CSMD1: variants seen among roughly 807,000 people sequenced by gnomAD.
CSMD1 encodes CUB and Sushi multiple domains 1, also known as CUB and sushi domain-containing protein 1.
CSMD1 carries 213 observed loss-of-function variants against 417.5 expected under a neutral mutation model. The observed-to-expected ratio is 0.51, with a 90% confidence interval of 0.46 to 0.57. CSMD1 has a LOEUF of 0.57. CSMD1 is among the 20% of genes least tolerant of loss of function. The pLI is 0.00. For synonymous variants in CSMD1, 2,862 were observed against 1,736.8 expected, an observed-to-expected ratio of 1.65 and a Z score of -16.11; for missense variants, 6,923 against 4,529.7, an observed-to-expected ratio of 1.53 and a Z score of -15.17.
chr8:3,318,391 T>C (rs112033482), intron 23 of CSMD1, among the ~76,000 whole-genome samples: 1,659 of 152,284 alleles, frequency 0.011, 38 homozygotes, highest in African/African-American at 0.037. Flanking sequence ...ACTTAGCATA[T>C]GAAGTGCCTG....
At chr8:3,419,995 C>A (rs941509253) in intron 12 of CSMD1, among the ~76,000 whole-genome samples, 3 of 152,068 alleles carry the variant, frequency 2.0e-5, no homozygotes. Context: ...GTTCGCATCT[C>A]CTTAAAGATC....
intron 3 of CSMD1, among the ~76,000 whole-genome samples, chr8:4,419,050 C>A (rs1036312702): frequency 4.6e-5 from 7 of 152,196 alleles, no homozygotes; most frequent in African/African-American, 1.7e-4. Flanking sequence ...TAACTTCCCA[C>A]AAAATACGAT....
chr8:3,576,826 A>T (rs954751011), intron 9 of CSMD1, among the ~76,000 whole-genome samples: 2 of 152,228 alleles, frequency 1.3e-5, no homozygotes, highest in African/African-American at 4.8e-5. Context: ...TATTAGCATT[A>T]TCCAACTAGA....
chr8:4,908,043 A>G (rs1268201391), intron 1 of CSMD1, among the ~76,000 whole-genome samples: 4 of 152,190 alleles, frequency 2.6e-5, no homozygotes, highest in Admixed American at 2.6e-4. Context: ...TGTGGAATGT[A>G]CAATAGTTTT....
chr8:3,129,496 C>T (rs144101409), intron 41 of CSMD1, among the ~76,000 whole-genome samples: 265 of 152,258 alleles, frequency 1.7e-3, no homozygotes, highest in Middle Eastern at 6.8e-3. Context: ...GGAGCTGGGC[C>T]GGGTTCAGTG....
At chr8:3,040,926 C>T (rs1276681948) in intron 50 of CSMD1, among the ~76,000 whole-genome samples, 1 of 152,202 alleles carries the variant, frequency 6.6e-6, no homozygotes, top group Non-Finnish European at 1.5e-5. Context: ...TTTGCAGCAT[C>T]ATGAACATTT....
chr8:3,959,480 C>T (rs1049306984), intron 5 of CSMD1, among the ~76,000 whole-genome samples: 1 of 152,290 alleles, frequency 6.6e-6, no homozygotes, highest in East Asian at 1.9e-4. Context: ...GACTGGATGA[C>T]TGAGCGAGAC....
chr8:4,539,795 T>C (rs1397769178), intron 2 of CSMD1, among the ~76,000 whole-genome samples: 1 of 152,214 alleles, frequency 6.6e-6, no homozygotes, highest in Non-Finnish European at 1.5e-5. Context: ...TTTAATCTGG[T>C]TTATTTTCCA....
chr8:4,079,940 G>C (rs1273657368), intron 3 of CSMD1, among the ~76,000 whole-genome samples: 1 of 150,066 alleles, frequency 6.7e-6, no homozygotes, highest in Non-Finnish European at 1.5e-5. Flanking sequence ...GTCTTCTCAT[G>C]GAGTTGTAAA....
intron 2 of CSMD1, among the ~76,000 whole-genome samples, chr8:4,527,831 T>A (rs529731615): frequency 4.6e-5 from 7 of 152,228 alleles, no homozygotes; most frequent in African/African-American, 7.2e-5. Flanking sequence ...AGATTAAGTT[T>A]TCAGCCTGTG....
intron 7 of CSMD1, among the ~76,000 whole-genome samples, chr8:3,695,929 G>T (rs529596275): frequency 6.6e-6 from 1 of 152,122 alleles, no homozygotes; most frequent in South Asian, 2.1e-4. Context: ...ATCTTTGTAG[G>T]AACAAGACAA....
chr8:3,446,141 G>C (rs955427171), intron 12 of CSMD1, among the ~76,000 whole-genome samples: 1 of 152,108 alleles, frequency 6.6e-6, no homozygotes, highest in African/African-American at 2.4e-5. Flanking sequence ...TTGACTGCAA[G>C]AAAGGAAATT....
intron 3 of CSMD1, among the ~76,000 whole-genome samples, chr8:4,158,561 TCAC>T (rs1349611178): frequency 3.3e-5 from 5 of 152,166 alleles, no homozygotes; most frequent in African/African-American, 1.2e-4. Context: ...TGTCCTAGGT[TCAC>T]TATGACAGAA....
At chr8:3,651,222 C>T (rs1797837758) in intron 7 of CSMD1, among the ~76,000 whole-genome samples, 1 of 152,178 alleles carries the variant, frequency 6.6e-6, no homozygotes, top group South Asian at 2.1e-4. Flanking sequence ...ATCCTTTAAA[C>T]ACCTAAGACA....
intron 7 of CSMD1, among the ~76,000 whole-genome samples, chr8:3,643,086 G>T (rs1372261965): frequency 6.6e-6 from 1 of 152,004 alleles, no homozygotes; most frequent in Admixed American, 6.6e-5. Flanking sequence ...GAGGGAGAGA[G>T]ACAGGCATGC....
intron 1 of CSMD1, among the ~76,000 whole-genome samples, chr8:4,714,609 A>C (rs1182108120): frequency 6.7e-6 from 1 of 148,464 alleles, no homozygotes; most frequent in Non-Finnish European, 1.5e-5. Context: ...TGAGATTCAA[A>C]TTCACACCAC....
chr8:3,979,130 A>T (rs1813660277), intron 5 of CSMD1, among the ~76,000 whole-genome samples: 1 of 152,246 alleles, frequency 6.6e-6, no homozygotes, highest in African/African-American at 2.4e-5. Flanking sequence ...ACAGTGAAAC[A>T]TGGGGCCTCA....
intron 2 of CSMD1, among the ~76,000 whole-genome samples, chr8:4,447,892 T>C (rs1379779357): frequency 2.0e-5 from 3 of 152,206 alleles, no homozygotes; most frequent in Non-Finnish European, 4.4e-5. Flanking sequence ...ACAATTTTAT[T>C]GTTCGATTAC....
intron 5 of CSMD1, among the ~76,000 whole-genome samples, chr8:3,982,731 T>C (rs968181574): frequency 6.6e-6 from 1 of 151,882 alleles, no homozygotes; most frequent in African/African-American, 2.4e-5. Flanking sequence ...CCGGCATCTG[T>C]AGGAGGCTTA....
Sources: allele counts gnomAD v4.1 joint callset (sites outside exome capture counted in the v4.1 genomes callset), GRCh38; gene constraint gnomAD v4.1.1; transcripts MANE v1.5; gene names NCBI Gene and HGNC (gene_info 2026-07-23, HGNC 2026-07-21).